The following PEX11B variants were observed in gnomAD, a reference collection of about 807,000 sequenced individuals.
PEX11B encodes the protein peroxisomal biogenesis factor 11 beta.
Under a neutral mutation model 28.2 loss-of-function variants are expected in PEX11B, and 18 were observed. That is an observed-to-expected ratio of 0.64 (90% CI 0.44 to 0.95). The LOEUF (loss-of-function observed/expected upper bound fraction) is 0.95, where lower values mean the gene tolerates loss of function less well. Ranked by LOEUF, PEX11B falls within the 40% of genes least tolerant of loss-of-function variation. The pLI is 0.00. For synonymous variants in PEX11B, 128 were observed against 128.7 expected (o/e 0.99, Z 0.04); for missense variants, 305 against 319.8 (o/e 0.95, Z 0.35).
In PEX11B at chr1:145,917,801, A is replaced by G. The variant is rs782819433; in HGVS notation, c.72T>C (p.Ala24=). 3.1e-6 allele frequency: 5 copies of G among 1,612,898 alleles called. No homozygotes were observed. The African/African-American group carries it at 5.3e-5, about 17-fold the overall frequency. The change falls in exon 2 of 4, where the codon GCT becomes GCC. Residue 24 remains alanine (A), a synonymous_variant. Transcript: ENST00000369306. ...RERLCRAAQY[A]CSLLGHALQR... ...GCAGCGCATGGCCAAGAAGAGAGCA[A>G]GCATACTGGGCGGCCCTAGAGGAGA... is the stretch of plus-strand genomic sequence containing the variant.
chr1:145,912,609 A>G, intron 3 of PEX11B, 43 bp from the exon 4 acceptor site: 2 of 1,257,274 alleles, frequency 1.6e-6, no homozygotes, highest in Non-Finnish European at 2.1e-6. Context: ...ATGTATACCT[A>G]CTTAACATAT....
At chr1:145,916,753 T>C (rs1647394045) in intron 3 of PEX11B, 64 bp downstream of exon 3, 3 of 1,123,318 alleles carry the variant, frequency 2.7e-6, no homozygotes, top group African/African-American at 1.5e-5. Context: ...TTCCCTCATA[T>C]AAGACAAGCT....
Position 145,912,325 on chromosome 1 carries a change from G to A in PEX11B, c.616C>T (p.Pro206Ser). Residue 206 changes from proline to serine, a missense_variant, in exon 4 of 4, where the codon CCA becomes TCA. Transcript: ENST00000369306. ...TTTCTGACCACGTCTAGCAGAAGTG[G>A]GGGATGACCTCTAAGGACTCGAGCC... ...LLARVLRGHP[P>S]LLLDVVRNAC... is the part of the protein sequence containing the mutation. 1 of 1,614,050 alleles carries A rather than the reference G, an allele frequency of 6.2e-7. No homozygotes were observed. The highest frequency in any genetic ancestry group is 8.5e-7 in the Non-Finnish European group (1 of 1,180,010).
At chr1:145,918,074 G>C in intron 1 of PEX11B, 2 of 985,282 alleles carry the variant, frequency 2.0e-6, no homozygotes, top group Non-Finnish European at 2.4e-6. Flanking sequence ...GCCTGAAGGG[G>C]CCAGTGCAGG....
At position 145,913,291 on chromosome 1, in the gene PEX11B, G is replaced by A. The variant is rs587595140; in HGVS notation, c.375-725C>T. On this transcript the variant is annotated intron_variant, in intron 3 of 3. Transcript: ENST00000369306. ...TTGTATATTTGAAATCTGCCAGGAA[G>A]GTAGATCTTAAGTGTTCTTACCATA... Among the ~76,000 whole-genome samples, 5 of 152,148 alleles carry A rather than the reference G, an allele frequency of 3.3e-5. No homozygotes were observed. In the East Asian group the frequency reaches 9.6e-4, roughly 29 times the overall value.
At position 145,911,931 on chromosome 1, in the gene PEX11B, AAAGAGG is replaced by A; in HGVS notation, c.*224_*229del. The A allele has an allele frequency of 2.6e-6, 1 of 386,726 alleles. No individual in the cohort carries two copies. The highest frequency in any genetic ancestry group is 4.6e-6 in the Non-Finnish European group (1 of 217,968). The allele number at this position is 386,726 out of a possible 1,614,324, so 24.0% of individuals were successfully genotyped here. A position where few individuals can be genotyped will look rare whatever the true frequency, so the allele number is the denominator to read the frequency against. On this transcript the variant is annotated 3_prime_UTR_variant, in exon 4 of 4. Coordinates refer to ENST00000369306, the MANE Select transcript of PEX11B (RefSeq NM_003846.3). ...AAATATATTCAAGAGAGACACAAAGAAAGAGGAAAAGAACAGAAGCTCAGGCACATC... is the reference window on the plus strand; with the variant it reads ...AAATATATTCAAGAGAGACACAAAGAAAAAGAACAGAAGCTCAGGCACATC...
At chr1:145,914,399 TAAAC>T (rs748064181) in intron 3 of PEX11B, among the ~76,000 whole-genome samples, 14 of 149,566 alleles carry the variant, frequency 9.4e-5, no homozygotes, top group Admixed American at 2.0e-4. Flanking sequence ...CAAAAACAAA[TAAAC>T]AAACCACAGC....
intron 1 of PEX11B, 40 bp downstream of exon 1, chr1:145,918,593 T>TACCA: frequency 1.3e-6 from 2 of 1,532,058 alleles, no homozygotes; most frequent in Non-Finnish European, 1.8e-6. Flanking sequence ...CCTCTGTCCA[T>TACCA]CCCTCCCCCG....
At position 145,916,876 on chromosome 1, in the gene PEX11B, A is replaced by G. The variant is rs782545627; in HGVS notation, c.315T>C (p.Ala105=). 2 of 1,614,124 alleles carry G rather than the reference A, an allele frequency of 1.2e-6. No homozygotes were observed. Among genetic ancestry groups the G allele is most frequent in the African/African-American group, 1.3e-5 (1 of 75,026 alleles). The change falls in exon 3 of 4, where the codon GCT becomes GCC. Residue 105 remains alanine (A), a synonymous_variant. Coordinates refer to ENST00000369306, the MANE Select transcript of PEX11B (RefSeq NM_003846.3). ...CACGGGGAGCCAGTCCAGACTTTCC[A>G]GCCCACAGGACATTGTCACAGGCGA... ...LYFACDNVLW[A]GKSGLAPRVD...
rs1553754120 is a variant in PEX11B at position 145,917,620 on chromosome 1, G to A, written c.172+81C>T. 3.7e-6 allele frequency: 3 copies of A among 803,354 alleles called. No homozygotes were observed. In the African/African-American group the frequency reaches 5.0e-5, roughly 13 times the overall value. The allele number at this position is 803,354 out of a possible 1,614,324, so 49.8% of individuals were successfully genotyped here. A position where few individuals can be genotyped will look rare whatever the true frequency, so the allele number is the denominator to read the frequency against. On this transcript the variant is annotated intron_variant, in intron 2 of 3. Transcript: ENST00000369306. The stretch of plus-strand genomic sequence containing the variant: ...CAAATGAGAAAGAAGAACAGAGAGG[G>A]TACAGGAAGGAGGGACAAAGGAAGG...
chr1:145,915,806 G>T (rs1553753823), intron 3 of PEX11B, among the ~76,000 whole-genome samples: 1 of 151,860 alleles, frequency 6.6e-6, no homozygotes, highest in Non-Finnish European at 1.5e-5. Context: ...GCTAATTTTT[G>T]TAATTTTAGT....
chr1:145,914,567 A>G (rs782374497), intron 3 of PEX11B, among the ~76,000 whole-genome samples: 3 of 152,036 alleles, frequency 2.0e-5, no homozygotes, highest in Non-Finnish European at 4.4e-5. Context: ...TTCCTTCTAC[A>G]TTTTAATCCC....
chr1:145,915,728 G>A, intron 3 of PEX11B, among the ~76,000 whole-genome samples: 1 of 151,570 alleles, frequency 6.6e-6, no homozygotes, highest in East Asian at 1.9e-4. Context: ...TTGCCTCCCG[G>A]GTTCAAGCGA....
In PEX11B at chr1:145,912,454, C is replaced by G; in HGVS notation, c.487G>C (p.Gly163Arg). Residue 163 changes from glycine to arginine, a missense_variant, in exon 4 of 4, where the codon GGA (glycine) becomes CGA (arginine). Gly to Arg is a moderately radical substitution (Grantham distance 125). Coordinates refer to ENST00000369306, the MANE Select transcript of PEX11B (RefSeq NM_003846.3). ...CSRRLKGSGG[G>R]VPGGSETGGL... ...CCAGTTTCACTTCCTCCTGGGACTC[C>G]TCCTCCAGAACCTTTCAGTCGCCGG... 6.5e-7 allele frequency: 1 copy of G among 1,549,314 alleles called. No homozygotes were observed. Among genetic ancestry groups the G allele is most frequent in the Non-Finnish European group, 8.7e-7 (1 of 1,147,524 alleles).
Position 145,912,021 on chromosome 1 carries a change from C to CA in PEX11B, c.*139dup. The CA allele has an allele frequency of 1.6e-6, 1 of 608,058 alleles. No homozygotes were observed. The highest frequency in any genetic ancestry group is 2.7e-6 in the Non-Finnish European group (1 of 376,346). The allele number at this position is 608,058 out of a possible 1,614,324, so 37.7% of individuals were successfully genotyped here. On this transcript the variant is annotated 3_prime_UTR_variant, in exon 4 of 4. Coordinates refer to ENST00000369306, the MANE Select transcript of PEX11B (RefSeq NM_003846.3). The stretch of plus-strand genomic sequence containing the variant: ...TCATCTTTCCTTACCTCATCTTCCC[C>CA]AAAGCTCTTCCTCCACCCCTAAATC...
chr1:145,912,532 G>A lies in PEX11B; in HGVS notation c.409C>T (p.Arg137Cys), dbSNP rs782292493. 2.4e-5 allele frequency: 36 copies of A among 1,490,778 alleles called. No homozygotes were observed. Among genetic ancestry groups the A allele is most frequent in the Non-Finnish European group, 2.9e-5 (32 of 1,119,898 alleles). The allele number at this position is 1,490,778 out of a possible 1,614,324, so 92.3% of individuals were successfully genotyped here. A position where few individuals can be genotyped will look rare whatever the true frequency, so the allele number is the denominator to read the frequency against. ...YLFSLIMNLS[R>C]DAYEIRLLME... ...AGTAGGCGAATCTCATAAGCATCAC[G>A]GCTCAAATTCATGATGAGGGAAAAC... The change falls in exon 4 of 4, where the codon CGT becomes TGT. Residue 137 changes from arginine to cysteine, a missense_variant. Arg to Cys is a radical substitution (Grantham distance 180). Coordinates refer to ENST00000369306, the MANE Select transcript of PEX11B (RefSeq NM_003846.3).
At chr1:145,918,381 C>T in intron 1 of PEX11B, 1 of 1,535,534 alleles carries the variant, frequency 6.5e-7, no homozygotes, top group South Asian at 1.2e-5. Context: ...CACTGTCGGT[C>T]TTATGTGGAC....
At chr1:145,914,280 AG>A (rs1242133025) in intron 3 of PEX11B, among the ~76,000 whole-genome samples, 2 of 152,042 alleles carry the variant, frequency 1.3e-5, no homozygotes, top group Admixed American at 6.5e-5. Flanking sequence ...AGGCTGAGGC[AG>A]CAGAATCACT....
At chr1:145,916,074 T>C (rs1647361566) in intron 3 of PEX11B, among the ~76,000 whole-genome samples, 1 of 152,244 alleles carries the variant, frequency 6.6e-6, no homozygotes, top group African/African-American at 2.4e-5. Flanking sequence ...AAAGGCCCTG[T>C]ATGAAAGATC....
Sources: allele counts gnomAD v4.1 joint callset (sites outside exome capture counted in the v4.1 genomes callset), GRCh38; gene constraint gnomAD v4.1.1; transcripts MANE v1.5; gene names NCBI Gene and HGNC (gene_info 2026-07-23, HGNC 2026-07-21).